The following EYS variants were observed in gnomAD, a reference collection of about 807,000 sequenced individuals.
EYS encodes the protein protein eyes shut homolog.
A neutral mutation model predicts 282.1 loss-of-function variants in EYS; 250 were observed. That is an observed-to-expected ratio of 0.89 (90% confidence interval 0.80 to 0.98). The LOEUF (loss-of-function observed/expected upper bound fraction) is 0.98, where lower values mean the gene tolerates loss of function less well. Ranked by LOEUF, EYS falls within the 50% of genes least tolerant of loss-of-function variation. The pLI, the probability that EYS is intolerant of heterozygous loss-of-function variation, is 0.00. For missense variants in EYS, 4,016 were observed against 3,709.0 expected, an observed-to-expected ratio of 1.08 and a Z score of -2.15; for synonymous variants, 1,355 against 1,282.9, an observed-to-expected ratio of 1.06 and a Z score of -1.20.
intron 8 of EYS, among the ~76,000 whole-genome samples, chr6:65,377,921 C>T (rs189857418): frequency 8.1e-4 from 123 of 152,122 alleles, no homozygotes; most frequent in African/African-American, 2.9e-3. Flanking sequence ...AATACCCTAC[C>T]AACCAAAAAA....
At chr6:64,605,684 CTGAGTA>C (rs1276512505) in intron 24 of EYS, among the ~76,000 whole-genome samples, 2 of 151,708 alleles carry the variant, frequency 1.3e-5, no homozygotes, top group Non-Finnish European at 2.9e-5. Flanking sequence ...ATACAGAACC[CTGAGTA>C]TGTACAAGTA....
chr6:64,557,744 C>T (rs1030554654), intron 26 of EYS, among the ~76,000 whole-genome samples: 32 of 151,902 alleles, frequency 2.1e-4, no homozygotes, highest in African/African-American at 6.8e-4. Context: ...TTATAGGGGT[C>T]AGCAAACAAT....
At chr6:65,309,740 C>T (rs527467874) in intron 11 of EYS, among the ~76,000 whole-genome samples, 12 of 152,044 alleles carry the variant, frequency 7.9e-5, no homozygotes, top group East Asian at 7.7e-4. Context: ...CCAAGCTTCC[C>T]GGTAAAAATT....
At chr6:65,210,926 G>T (rs1001463545) in intron 12 of EYS, among the ~76,000 whole-genome samples, 1 of 131,758 alleles carries the variant, frequency 7.6e-6, no homozygotes, top group African/African-American at 3.2e-5. Flanking sequence ...CTATAAAGTC[G>T]TACAAACACA....
chr6:64,268,236 T>C (rs1345057452), intron 30 of EYS, among the ~76,000 whole-genome samples: 1 of 152,086 alleles, frequency 6.6e-6, no homozygotes, highest in East Asian at 1.9e-4. Flanking sequence ...CCAGTAATTA[T>C]TGTTAAAAAA....
chr6:64,535,276 G>C (rs1040318882), intron 26 of EYS, among the ~76,000 whole-genome samples: 8 of 152,024 alleles, frequency 5.3e-5, no homozygotes, highest in African/African-American at 1.7e-4. Context: ...GAATACTACT[G>C]TTTCTCTTAC....
At chr6:64,774,630 A>G (rs1258309067) in intron 22 of EYS, among the ~76,000 whole-genome samples, 12 of 152,048 alleles carry the variant, frequency 7.9e-5, no homozygotes, top group Admixed American at 7.9e-4. Flanking sequence ...TCTGTTATGT[A>G]TAAATTATAG....
intron 19 of EYS, among the ~76,000 whole-genome samples, chr6:64,881,719 G>A (rs964223971): frequency 6.6e-6 from 1 of 151,702 alleles, no homozygotes; most frequent in African/African-American, 2.4e-5. Context: ...TCCATTCATG[G>A]TTATAACTCA....
intron 31 of EYS, among the ~76,000 whole-genome samples, chr6:64,113,566 A>G (rs1773279485): frequency 6.6e-6 from 1 of 152,206 alleles, no homozygotes; most frequent in South Asian, 2.1e-4. Flanking sequence ...ATTCCTTGAC[A>G]GCATTTTAGC....
intron 33 of EYS, among the ~76,000 whole-genome samples, chr6:64,056,181 C>A (rs998561214): frequency 2.6e-5 from 4 of 152,156 alleles, no homozygotes; most frequent in African/African-American, 9.7e-5. Flanking sequence ...TAAGAGCATT[C>A]TCTAATAAAC....
At chr6:64,021,652 A>G (rs1769197909) in intron 33 of EYS, among the ~76,000 whole-genome samples, 1 of 152,112 alleles carries the variant, frequency 6.6e-6, no homozygotes, top group African/African-American at 2.4e-5. Flanking sequence ...ATGTTGTAAC[A>G]TTTTTCTATT....
At chr6:64,475,015 A>G (rs911017283) in intron 26 of EYS, among the ~76,000 whole-genome samples, 23 of 152,220 alleles carry the variant, frequency 1.5e-4, no homozygotes, top group Non-Finnish European at 2.4e-4. Flanking sequence ...AACGGGAAAT[A>G]TAGGTGAGAA....
chr6:65,265,060 C>T (rs903977607), intron 12 of EYS, among the ~76,000 whole-genome samples: 4 of 151,908 alleles, frequency 2.6e-5, no homozygotes, highest in African/African-American at 9.7e-5. Flanking sequence ...TTTAAGTACA[C>T]ATGGGCAACA....
At chr6:65,348,841 T>G (rs1050120872) in intron 9 of EYS, among the ~76,000 whole-genome samples, 1 of 151,842 alleles carries the variant, frequency 6.6e-6, no homozygotes, top group Admixed American at 6.6e-5. Context: ...AGTTTCATAG[T>G]TTGAAGTCTT....
intron 2 of EYS, among the ~76,000 whole-genome samples, chr6:65,564,481 T>A (rs1769197158): frequency 6.6e-6 from 1 of 151,992 alleles, no homozygotes; most frequent in Non-Finnish European, 1.5e-5. Context: ...ACATCTACAG[T>A]CATCTGATCT....
At chr6:63,769,620 A>G (rs1016347894) in intron 40 of EYS, among the ~76,000 whole-genome samples, 3 of 152,244 alleles carry the variant, frequency 2.0e-5, no homozygotes, top group Middle Eastern at 3.4e-3. Flanking sequence ...GCTCATCATG[A>G]TAGTAAATCA....
intron 22 of EYS, among the ~76,000 whole-genome samples, chr6:64,753,035 C>A (rs973791039): frequency 6.6e-6 from 1 of 152,086 alleles, no homozygotes; most frequent in Admixed American, 6.6e-5. Context: ...TAGTCTTTTT[C>A]AGCCAAACAA....
At chr6:65,129,586 G>A (rs879097898) in intron 12 of EYS, among the ~76,000 whole-genome samples, 1 of 151,944 alleles carries the variant, frequency 6.6e-6, no homozygotes, top group Non-Finnish European at 1.5e-5. Context: ...AATCATCAGA[G>A]AAACGAATAT....
chr6:63,930,280 A>AAC (rs1562100735), intron 35 of EYS, among the ~76,000 whole-genome samples: 10 of 128,488 alleles, frequency 7.8e-5, no homozygotes, highest in African/African-American at 9.3e-5. Context: ...TAAGAAACCC[A>AAC]CCCCCCCCAC....
Sources: gnomAD v4.1 joint callset for allele counts (sites outside exome capture counted in the v4.1 genomes callset) on GRCh38, gnomAD v4.1.1 for gene constraint, MANE v1.5 for transcripts, NCBI Gene and HGNC (gene_info 2026-07-23, HGNC 2026-07-21) for gene names.